ADGRG5: variants seen among roughly 807,000 people sequenced by gnomAD.
ADGRG5 encodes G protein-coupled receptor 114.
Under a neutral mutation model 53.2 loss-of-function variants are expected in ADGRG5, and 37 were observed. The observed-to-expected ratio is 0.70, with a 90% CI of 0.53 to 0.91. The LOEUF (loss-of-function observed/expected upper bound fraction) is 0.91, where lower values mean the gene tolerates loss of function less well. Among genes scored for constraint, ADGRG5 ranks in the 40% least tolerant of loss-of-function variants. The probability of loss-of-function intolerance (pLI) is 0.00; values close to 1 mark genes in which losing one functional copy is unlikely to be tolerated. For missense variants in ADGRG5, 614 were observed against 675.8 expected, an observed-to-expected ratio of 0.91 and a Z score of 1.01; for synonymous variants, 277 against 290.4, an observed-to-expected ratio of 0.95 and a Z score of 0.47.
intron 5 of ADGRG5, 56 bp downstream of exon 5, chr16:57,564,035 T>C: frequency 6.4e-7 from 1 of 1,574,618 alleles, no homozygotes; most frequent in South Asian, 1.2e-5. Context: ...TGGGATCCAC[T>C]GCAGGTGCCC....
the ADGRG5 span, among the ~76,000 whole-genome samples, chr16:57,530,259 T>C: frequency 1.6e-4 from 25 of 152,192 alleles, no homozygotes; most frequent in Admixed American, 1.4e-3. Flanking sequence ...CGCCCAGCAC[T>C]GGGCTCTGCC....
chr16:57,536,292 C>T, the ADGRG5 span, among the ~76,000 whole-genome samples: 1 of 152,068 alleles, frequency 6.6e-6, no homozygotes. Context: ...CCACCGGAGA[C>T]CTGGGGTTCC....
chr16:57,567,699 A>G (rs1347541168), intron 8 of ADGRG5, 108 bp downstream of exon 8: 1 of 1,466,884 alleles, frequency 6.8e-7, no homozygotes, highest in East Asian at 2.3e-5. Flanking sequence ...GAGGGTGGGG[A>G]CCAGGAGGCG....
In ADGRG5 at chr16:57,561,986, G is replaced by C. The variant is rs56199157; in HGVS notation, c.-38-70G>C. ...AAGATGCTGCATGTCCTACTCTTGG[G>C]ACATGCCAGACACCTAGAAGTTAGA... On this transcript the variant is annotated intron_variant, in intron 1 of 11. Coordinates refer to ENST00000349457, the MANE Select transcript of ADGRG5 (RefSeq NM_001304376.3). 2,538 of 789,652 alleles carry C rather than the reference G, an allele frequency of 3.2e-3. 28 individuals are homozygous for C. Among genetic ancestry groups the C allele is most frequent in the African/African-American group, 0.032 (1,827 of 57,592 alleles). The allele number at this position is 789,652 out of a possible 1,614,324, so 48.9% of individuals were successfully genotyped here.
intron 1 of ADGRG5, among the ~76,000 whole-genome samples, chr16:57,551,391 A>G (rs2032750383): frequency 6.6e-6 from 1 of 152,140 alleles, no homozygotes; most frequent in African/African-American, 2.4e-5. Flanking sequence ...GTCCTCTCAA[A>G]CCCTGCAGGG....
intron 1 of ADGRG5, among the ~76,000 whole-genome samples, chr16:57,547,292 T>G (rs559474799): frequency 9.9e-5 from 15 of 152,218 alleles, no homozygotes; most frequent in Non-Finnish European, 1.8e-4. Flanking sequence ...TATTAACATT[T>G]TGGTGGCCAC....
chr16:57,554,634 C>A (rs2032838967), intron 1 of ADGRG5, among the ~76,000 whole-genome samples: 1 of 152,130 alleles, frequency 6.6e-6, no homozygotes. Flanking sequence ...CCTTGGCCTC[C>A]CAAAGTGCTG....
chr16:57,549,951 G>A (rs1222118337), intron 1 of ADGRG5, among the ~76,000 whole-genome samples: 5 of 151,836 alleles, frequency 3.3e-5, no homozygotes, highest in African/African-American at 1.2e-4. Flanking sequence ...ATGATATTGA[G>A]TGTTTCTCAT....
chr16:57,555,366 T>C (rs2032859041), intron 1 of ADGRG5, among the ~76,000 whole-genome samples: 1 of 152,170 alleles, frequency 6.6e-6, no homozygotes. Flanking sequence ...TGAGATCTGA[T>C]GGTTTTATAA....
chr16:57,565,204 C>G, intron 6 of ADGRG5, 54 bp downstream of exon 6: 1 of 1,052,846 alleles, frequency 9.5e-7, no homozygotes, highest in Non-Finnish European at 1.5e-6. Context: ...CTGTGACTCT[C>G]CTGTTGAACA....
At position 57,570,357 on chromosome 16, in the gene ADGRG5, G is replaced by T. The variant is rs779876006; in HGVS notation, c.1091-61G>T. Reference sequence around the variant, plus strand: ...TTCTGTGTCAGCAGCCCCAGGGACCGCCCCAGGGACCGAGGGTCAGCCCTC... The same window carrying T: ...TTCTGTGTCAGCAGCCCCAGGGACCTCCCCAGGGACCGAGGGTCAGCCCTC... On this transcript the variant is annotated intron_variant, in intron 9 of 11. Coordinates refer to ENST00000349457, the MANE Select transcript of ADGRG5 (RefSeq NM_001304376.3). The T allele has an allele frequency of 5.5e-6, 6 of 1,090,468 alleles. No homozygotes were observed. In the African/African-American group the frequency reaches 7.7e-5, roughly 14 times the overall value. The allele number at this position is 1,090,468 out of a possible 1,614,324, so 67.5% of individuals were successfully genotyped here. A position where few individuals can be genotyped will look rare whatever the true frequency, so the allele number is the denominator to read the frequency against.
At chr16:57,570,563 T>G (rs780606162) in intron 10 of ADGRG5, 28 bp downstream of exon 10, 55 of 1,515,796 alleles carry the variant, frequency 3.6e-5, no homozygotes, top group Non-Finnish European at 4.9e-5. Context: ...TGCAGTGGGC[T>G]CCCTGGCTCT....
chr16:57,533,509 C>A, the ADGRG5 span, among the ~76,000 whole-genome samples: 2 of 151,480 alleles, frequency 1.3e-5, no homozygotes, highest in Non-Finnish European at 3.0e-5. Context: ...GACCCGCACT[C>A]ACACACAGCC....
In ADGRG5 at chr16:57,571,421, C is replaced by T. The variant is rs2033354073; in HGVS notation, c.1208+886C>T. On this transcript the variant is annotated intron_variant, in intron 10 of 11. Transcript: ENST00000349457. ...CGGCAGGCTGGTCCAGAGCCTGGCC[C>T]CCAGCCCCTGAAGCAGGGCCGGGGG... 3.3e-5 allele frequency among the ~76,000 whole-genome samples: 5 copies of T among 152,188 alleles called. No individual in the cohort carries two copies. The South Asian group carries it at 1.0e-3, about 32-fold the overall frequency.
chr16:57,529,614 A>G, the ADGRG5 span, among the ~76,000 whole-genome samples: 1 of 152,082 alleles, frequency 6.6e-6, no homozygotes, highest in Non-Finnish European at 1.5e-5. This position sits in a 1 kb window ranked among gnomAD's most constrained non-coding sequence, Gnocchi z 4.1. Flanking sequence ...CTATACTACT[A>G]TGCAACTTCC....
chr16:57,532,177 C>G, the ADGRG5 span, among the ~76,000 whole-genome samples: 5 of 152,196 alleles, frequency 3.3e-5, no homozygotes, highest in Admixed American at 2.0e-4. Flanking sequence ...ACACTTGGCC[C>G]TATACCCGAG....
At chr16:57,552,575 C>A (rs1360285281) in intron 1 of ADGRG5, among the ~76,000 whole-genome samples, 3 of 152,198 alleles carry the variant, frequency 2.0e-5, no homozygotes, top group Non-Finnish European at 4.4e-5. Flanking sequence ...TAGGGCCTTG[C>A]TCTGAACTAG....
At chr16:57,542,549 G>T, upstream of ADGRG5, 1 of 152,848 alleles carries the variant, frequency 6.5e-6, no homozygotes. Context: ...CCTGGGCCTG[G>T]GGTGAAGGGA....
chr16:57,532,331 A>G, the ADGRG5 span, among the ~76,000 whole-genome samples: 1 of 152,150 alleles, frequency 6.6e-6, no homozygotes. Flanking sequence ...TGTGTCACGC[A>G]CCCAGACACA....
Sources: allele counts gnomAD v4.1 joint callset (sites outside exome capture counted in the v4.1 genomes callset), GRCh38; gene constraint gnomAD v4.1.1; non-coding constraint Gnocchi (gnomAD v3.1); transcripts MANE v1.5; gene names NCBI Gene and HGNC (gene_info 2026-07-23, HGNC 2026-07-21).